The following DOCK4 variants were observed in gnomAD, a reference collection of about 807,000 sequenced individuals.
DOCK4 encodes dedicator of cytokinesis 4.
Under a neutral mutation model 268.1 loss-of-function variants are expected in DOCK4, and 97 were observed. That is an observed-to-expected ratio of 0.36 (90% CI 0.31 to 0.43). DOCK4 has a LOEUF of 0.43. Among genes scored for constraint, DOCK4 ranks in the 20% least tolerant of loss-of-function variants. The pLI, the probability that DOCK4 is intolerant of heterozygous loss-of-function variation, is 1.00. For missense variants in DOCK4, 2,145 were observed against 2,455.7 expected, an observed-to-expected ratio of 0.87 and a Z score of 2.67; for synonymous variants, 954 against 887.2, an observed-to-expected ratio of 1.08 and a Z score of -1.34.
At chr7:111,793,288 T>C (rs1014155644) in intron 30 of DOCK4, among the ~76,000 whole-genome samples, 4 of 152,180 alleles carry the variant, frequency 2.6e-5, no homozygotes, top group African/African-American at 4.8e-5. Context: ...TAGAAAAACT[T>C]CCCCACAGTC....
intron 16 of DOCK4, among the ~76,000 whole-genome samples, chr7:111,889,077 T>C (rs1808077296): frequency 6.6e-6 from 1 of 152,156 alleles, no homozygotes; most frequent in African/African-American, 2.4e-5. Flanking sequence ...TGCAGGTCAC[T>C]TAACTATCCC....
intron 1 of DOCK4, among the ~76,000 whole-genome samples, chr7:112,119,387 A>G (rs534584223): frequency 2.0e-4 from 30 of 152,282 alleles, no homozygotes; most frequent in South Asian, 4.1e-4. Context: ...CCAGGGCAAG[A>G]CAACACTGAG....
In DOCK4 at chr7:112,077,906, C is replaced by T. The variant is rs138822474; in HGVS notation, c.38-73775G>A. The stretch of plus-strand genomic sequence containing the variant: ...TAATGTATAAAAGGTAGCTAAGACA[C>T]ATCAAAGCGGTCCCAGAAAGAGAAT... On this transcript the variant is annotated intron_variant, in intron 1 of 52. Transcript: ENST00000428084. 2.3e-3 allele frequency among the ~76,000 whole-genome samples: 353 copies of T among 152,084 alleles called. 2 individuals carry two copies. Among genetic ancestry groups the T allele is most frequent in the African/African-American group, 8.0e-3 (334 of 41,532 alleles).
intron 1 of DOCK4, among the ~76,000 whole-genome samples, chr7:112,157,576 A>T (rs1816737244): frequency 6.6e-6 from 1 of 152,208 alleles, no homozygotes; most frequent in Non-Finnish European, 1.5e-5. Context: ...AAACTCTCAC[A>T]GTTCAGGGAT....
chr7:111,827,044 G>A (rs534095578), intron 26 of DOCK4, among the ~76,000 whole-genome samples: 51 of 152,086 alleles, frequency 3.4e-4, no homozygotes, highest in African/African-American at 1.2e-3. Context: ...ACAGACTAGG[G>A]CATTTTCTTC....
chr7:112,131,679 A>G (rs961497000), intron 1 of DOCK4, among the ~76,000 whole-genome samples: 1 of 152,222 alleles, frequency 6.6e-6, no homozygotes, highest in African/African-American at 2.4e-5. Flanking sequence ...TCAGGTGCCT[A>G]TAATGAACCA....
chr7:111,905,319 C>T (rs935014454), intron 13 of DOCK4, among the ~76,000 whole-genome samples: 7 of 152,112 alleles, frequency 4.6e-5, no homozygotes, highest in African/African-American at 1.7e-4. Context: ...TTATTAACAC[C>T]TCATACCTCT....
intron 1 of DOCK4, among the ~76,000 whole-genome samples, chr7:112,046,627 C>T (rs949254874): frequency 2.0e-5 from 3 of 152,124 alleles, no homozygotes; most frequent in Non-Finnish European, 4.4e-5. Context: ...TTACTGCACT[C>T]CAGCCTGGGT....
intron 8 of DOCK4, among the ~76,000 whole-genome samples, chr7:111,970,935 A>G (rs913737856): frequency 7.2e-5 from 11 of 152,192 alleles, no homozygotes; most frequent in Admixed American, 1.3e-4. Flanking sequence ...AATTGTTTAG[A>G]AACAAAAGTA....
Position 111,901,684 on chromosome 7 carries a change from G to T in DOCK4, c.1310C>A (p.Thr437Asn). ...TATCAAGTATTAACATACCTTCAGG[G>T]TTTGGCCACTACTGTCTACAATGAA... The part of the protein sequence containing the change: ...TMFIVDSSGQ[T>N]LKDFISFGSG... Residue 437 changes from threonine to asparagine, a missense_variant, in exon 14 of 53, where the codon ACC becomes AAC. By Grantham distance (65) the Thr-to-Asn change is moderately conservative. This residue lies in a region of DOCK4 where 1,598 missense variants were observed against 1,986.7 expected (regional missense o/e 0.80). Coordinates refer to ENST00000428084, the MANE Select transcript of DOCK4 (RefSeq NM_001363540.2). 1.9e-6 allele frequency: 3 copies of T among 1,613,252 alleles called. No homozygotes were observed. The highest frequency in any genetic ancestry group is 1.1e-5 in the South Asian group (1 of 91,002).
At position 112,076,291 on chromosome 7, in the gene DOCK4, A is replaced by C. The variant is rs563520545; in HGVS notation, c.38-72160T>G. 3.3e-5 allele frequency among the ~76,000 whole-genome samples: 5 copies of C among 152,166 alleles called. No homozygotes were observed. The East Asian group carries it at 9.7e-4, about 29-fold the overall frequency. On this transcript the variant is annotated intron_variant, in intron 1 of 52. Coordinates refer to ENST00000428084, the MANE Select transcript of DOCK4 (RefSeq NM_001363540.2). ...TGCTGGTTTGAGTTAACTAAGAAAAAGAATTGGGGGGGTTCTTAAAATATT... is the reference window on the plus strand; with the variant it reads ...TGCTGGTTTGAGTTAACTAAGAAAACGAATTGGGGGGGTTCTTAAAATATT...
Position 111,989,028 on chromosome 7 carries a change from C to A in DOCK4, c.451G>T (p.Asp151Tyr). 1 of 1,611,646 alleles carries A rather than the reference C, an allele frequency of 6.2e-7. No individual in the cohort carries two copies. Among genetic ancestry groups the A allele is most frequent in the South Asian group, 1.1e-5 (1 of 90,712 alleles). Reference sequence around the variant, plus strand: ...CTCAATACTCACTCATTGCCCCAGTCAAGCCGGGCAGTAATGTGGCGCTTC... The same window carrying A: ...CTCAATACTCACTCATTGCCCCAGTAAAGCCGGGCAGTAATGTGGCGCTTC... Reference protein sequence around the residue: ...DVKRHITARLDWGNEQLGLDL... With the variant: ...DVKRHITARLYWGNEQLGLDL... The change falls in exon 6 of 53, where the codon GAC becomes TAC. Residue 151 changes from aspartate to tyrosine, a missense_variant. Asp to Tyr is a radical substitution (Grantham distance 160). Around this residue, in one of 2 missense-constraint regions of DOCK4, gnomAD observed 1,598 missense variants for 1,986.7 expected, o/e 0.80. Coordinates refer to ENST00000428084, the MANE Select transcript of DOCK4 (RefSeq NM_001363540.2).
intron 12 of DOCK4, among the ~76,000 whole-genome samples, chr7:111,920,205 C>T (rs979917470): frequency 3.3e-5 from 5 of 151,944 alleles, no homozygotes; most frequent in South Asian, 2.1e-4. Flanking sequence ...AAGATGAAGA[C>T]GTTCTAGAGA....
chr7:111,801,856 A>ATTTTTTTTTT (rs538307512), intron 30 of DOCK4: 1 of 132,818 alleles, frequency 7.5e-6, no homozygotes, highest in Non-Finnish European at 1.6e-5. Flanking sequence ...CGCTGGGCTA[A>ATTTTTTTTTT]TTTTTTTTTT....
In DOCK4 at chr7:112,138,119, T is replaced by TTG. The variant is rs1814537439; in HGVS notation, c.37+67981_37+67982dup. On this transcript the variant is annotated intron_variant, in intron 1 of 52. Transcript: ENST00000428084. Reference sequence around the variant, plus strand: ...TGTCAACACCCTCCTAAAAAATGTTTTGTCAGTTCTCCTGGCTCCCTTCAA... The same window carrying TTG: ...TGTCAACACCCTCCTAAAAAATGTTTTGTGTCAGTTCTCCTGGCTCCCTTCAA... 2.0e-5 allele frequency among the ~76,000 whole-genome samples: 3 copies of TTG among 152,320 alleles called. No homozygotes were observed. The South Asian group carries it at 6.2e-4, about 32-fold the overall frequency.
chr7:111,872,079 T>C lies in DOCK4; in HGVS notation c.1938A>G (p.Ile646Met). The C allele has an allele frequency of 6.5e-7, 1 of 1,542,748 alleles. No homozygotes were observed. Among genetic ancestry groups the C allele is most frequent in the Non-Finnish European group, 8.7e-7 (1 of 1,144,696 alleles). The change falls in exon 20 of 53, where the codon ATA becomes ATG. Residue 646 changes from isoleucine to methionine, a missense_variant. By Grantham distance (10) the Ile-to-Met change is conservative. Transcript: ENST00000428084. ...GAAATTTGCTATCTTGCAGCAAATT[T>C]ATTATGTGAACCTAAAAAAAGAAAA... Reference protein sequence around the residue: ...SKVFDSLVHIINLLQDSKFHH... With the variant: ...SKVFDSLVHIMNLLQDSKFHH...
rs572183293 is a variant in DOCK4, at chr7:111,963,365, C to T, written c.701+13767G>A. ...GTGTGTGTGCGCACCGTGCGCGAGC[C>T]TAAGCAGGGCGAGGCATTGCCTCAC... is the stretch of plus-strand genomic sequence containing the variant. On this transcript the variant is annotated intron_variant, in intron 8 of 52. Coordinates refer to ENST00000428084, the MANE Select transcript of DOCK4 (RefSeq NM_001363540.2). Among the ~76,000 whole-genome samples, 80 of 131,470 alleles carry T rather than the reference C, an allele frequency of 6.1e-4. 1 individual carries two copies. In the South Asian group the frequency reaches 0.012, roughly 19 times the overall value. 86.2% of individuals were successfully genotyped at this position (131,470 alleles called of 152,430 possible).
intron 28 of DOCK4, among the ~76,000 whole-genome samples, 196 bp downstream of exon 28, chr7:111,811,678 T>G (rs73715262): frequency 6.6e-6 from 1 of 152,200 alleles, no homozygotes; most frequent in African/African-American, 2.4e-5. Context: ...AATAAAAAAC[T>G]ATCTCCTTTT....
intron 1 of DOCK4, among the ~76,000 whole-genome samples, chr7:112,066,691 A>AGTGTGTGTG (rs1807052310): frequency 3.3e-4 from 2 of 6,126 alleles, no homozygotes; most frequent in African/African-American, 7.1e-4. Context: ...ATACATATAC[A>AGTGTGTGTG]TATATATATA....
Sources: allele counts gnomAD v4.1 joint callset (sites outside exome capture counted in the v4.1 genomes callset), GRCh38; gene constraint gnomAD v4.1.1; regional missense constraint gnomAD v4.1.1; transcripts MANE v1.5; gene names NCBI Gene and HGNC (gene_info 2026-07-23, HGNC 2026-07-21).